Variants in SASH1 observed in about 807,000 individuals in gnomAD.
The protein encoded by SASH1 is SAM and SH3 domain-containing protein 1.
SASH1 carries 44 observed loss-of-function variants against 125.2 expected under a neutral mutation model. The observed-to-expected ratio is 0.35, with a 90% CI of 0.28 to 0.45. SASH1 has a LOEUF of 0.45. Among genes scored for constraint, SASH1 ranks in the 20% least tolerant of loss-of-function variants. The pLI is 1.00. For synonymous variants in SASH1, 639 were observed against 649.1 expected, an observed-to-expected ratio of 0.98 and a Z score of 0.24; for missense variants, 1,426 against 1,614.5, an observed-to-expected ratio of 0.88 and a Z score of 2.00.
intron 4 of SASH1, 92 bp downstream of exon 4, chr6:148,440,499 A>G (rs1311417237): frequency 1.9e-6 from 2 of 1,060,770 alleles, no homozygotes; most frequent in Non-Finnish European, 2.9e-6. Context: ...TCATGTGCGT[A>G]TGTACTATGG....
the SASH1 span, among the ~76,000 whole-genome samples, chr6:148,265,675 T>C: frequency 6.6e-6 from 1 of 152,202 alleles, no homozygotes; most frequent in Admixed American, 6.5e-5. Flanking sequence ...ACATAAAACT[T>C]TGTCCTGGAT....
chr6:148,285,589 C>G (rs1208578836), intron 1 of SASH1, among the ~76,000 whole-genome samples: 2 of 152,072 alleles, frequency 1.3e-5, no homozygotes, highest in Non-Finnish European at 2.9e-5. Flanking sequence ...CTCTCTTTTC[C>G]ATAATTTTCC....
intron 4 of SASH1, among the ~76,000 whole-genome samples, chr6:148,449,489 G>A (rs1776989163): frequency 6.6e-6 from 1 of 151,520 alleles, no homozygotes; most frequent in African/African-American, 2.4e-5. Context: ...TTGGGTTTAA[G>A]TGATTCTCCT....
At chr6:148,528,894 G>A (rs917251454) in intron 12 of SASH1, among the ~76,000 whole-genome samples, 12 of 151,956 alleles carry the variant, frequency 7.9e-5, no homozygotes, top group African/African-American at 2.4e-4. Flanking sequence ...ATCAGTGGGA[G>A]CCCTGAGCTT....
intron 1 of SASH1, among the ~76,000 whole-genome samples, chr6:148,361,884 G>A (rs1212477273): frequency 6.6e-6 from 1 of 150,938 alleles, no homozygotes; most frequent in Non-Finnish European, 1.5e-5. Flanking sequence ...CCTGATGAAT[G>A]TCCAGCATTT....
intron 1 of SASH1, among the ~76,000 whole-genome samples, chr6:148,330,460 A>G (rs1360634531): frequency 6.6e-6 from 1 of 152,272 alleles, no homozygotes; most frequent in Non-Finnish European, 1.5e-5. Flanking sequence ...GTTTATTAGA[A>G]GACAAGATTG....
At chr6:148,291,552 A>G (rs1357240573) in intron 1 of SASH1, among the ~76,000 whole-genome samples, 1 of 152,008 alleles carries the variant, frequency 6.6e-6, no homozygotes, top group Non-Finnish European at 1.5e-5. Context: ...ACCTGGTGAC[A>G]TGGCGCCTAT....
chr6:148,263,098 C>T, the SASH1 span, among the ~76,000 whole-genome samples: 5 of 152,126 alleles, frequency 3.3e-5, no homozygotes, highest in South Asian at 4.1e-4. Context: ...TGCAGAGAGA[C>T]GGCAGGCAGA....
chr6:148,446,135 G>T, intron 4 of SASH1, among the ~76,000 whole-genome samples: 1 of 89,746 alleles, frequency 1.1e-5, no homozygotes, highest in Non-Finnish European at 2.3e-5. Flanking sequence ...TTGAGACGGA[G>T]CCTCACTCTG....
rs370085759 is a variant in SASH1, at chr6:148,411,567, A to G, written c.285+21305A>G. ...ATTAGTGTTATTTTTTTTTTGAGAT[A>G]GAGTTTTACTCTGTTGCCCAGGCTG... On this transcript the variant is annotated intron_variant, in intron 2 of 19. Coordinates refer to ENST00000367467, the MANE Select transcript of SASH1 (RefSeq NM_015278.5). Among the ~76,000 whole-genome samples, 9 of 151,928 alleles carry G rather than the reference A, an allele frequency of 5.9e-5. No individual in the cohort carries two copies. In the East Asian group the frequency reaches 1.2e-3, roughly 20 times the overall value.
intron 1 of SASH1, among the ~76,000 whole-genome samples, chr6:148,281,106 CTTTTTTTTTTT>C (rs34144143): frequency 1.4e-5 from 1 of 69,240 alleles, no homozygotes; most frequent in Non-Finnish European, 2.6e-5. Flanking sequence ...CCATGCCTAG[CTTTTTTTTTTT>C]TTTTTTTTTT....
In SASH1 at chr6:148,370,284, A is replaced by G. The variant is rs528698286; in HGVS notation, c.157-19850A>G. ...CTAAAAAACAAGTAGGTAATTAACT[A>G]TCACTGGAGATTTAAAGATGGTTGG... On this transcript the variant is annotated intron_variant, in intron 1 of 19. Transcript: ENST00000367467. 1.6e-4 allele frequency among the ~76,000 whole-genome samples: 25 copies of G among 152,316 alleles called. 1 individual carries two copies. Among genetic ancestry groups the G allele is most frequent in the African/African-American group, 5.8e-4 (24 of 41,582 alleles).
intron 1 of SASH1, among the ~76,000 whole-genome samples, chr6:148,387,359 C>T (rs1017661423): frequency 1.3e-5 from 2 of 151,628 alleles, no homozygotes; most frequent in African/African-American, 2.4e-5. Context: ...ACCTCATGAT[C>T]CACCTGCCTC....
At chr6:148,514,284 G>C in intron 8 of SASH1, 40 bp from the exon 9 acceptor site, 1 of 1,589,256 alleles carries the variant, frequency 6.3e-7, no homozygotes, top group Non-Finnish European at 8.5e-7. Flanking sequence ...AAAGCTCGGA[G>C]CAATTACCTG....
At chr6:148,320,062 T>C (rs1031157473) in intron 1 of SASH1, among the ~76,000 whole-genome samples, 3 of 152,242 alleles carry the variant, frequency 2.0e-5, no homozygotes, top group South Asian at 2.1e-4. Flanking sequence ...ATGGTTATAA[T>C]TGTTCTATTT....
chr6:148,368,768 G>GCA (rs1554245318), intron 1 of SASH1, among the ~76,000 whole-genome samples: 4 of 70,450 alleles, frequency 5.7e-5, no homozygotes, highest in African/African-American at 1.4e-4. Context: ...GCGCACGCGC[G>GCA]CGCACACACA....
At chr6:148,354,967 C>T (rs772020928) in intron 1 of SASH1, among the ~76,000 whole-genome samples, 4 of 152,156 alleles carry the variant, frequency 2.6e-5, no homozygotes, top group Non-Finnish European at 4.4e-5. Flanking sequence ...CCATGTTGGC[C>T]AGGCTGGTCT....
At chr6:148,516,515 C>T (rs998596181) in intron 9 of SASH1, among the ~76,000 whole-genome samples, 1 of 113,542 alleles carries the variant, frequency 8.8e-6, no homozygotes, top group Non-Finnish European at 1.8e-5. Flanking sequence ...CCCCCTCCCC[C>T]GCCCTTGGAC....
rs143648775 is a variant in SASH1 at position 148,445,017 on chromosome 6, G to A, written c.386+4610G>A. Among the ~76,000 whole-genome samples the A allele has an allele frequency of 4.6e-5, 7 of 152,246 alleles. No individual in the cohort carries two copies. In the East Asian group the frequency reaches 7.7e-4, roughly 17 times the overall value. On this transcript the variant is annotated intron_variant, in intron 4 of 19. Coordinates refer to ENST00000367467, the MANE Select transcript of SASH1 (RefSeq NM_015278.5). ...TAGGGTAACTTCCAGATGTTGCCAC[G>A]GCACCTGTAAACTGTCATGGTGCTG...
Sources: gnomAD v4.1 joint callset for allele counts (sites outside exome capture counted in the v4.1 genomes callset) on GRCh38, gnomAD v4.1.1 for gene constraint, MANE v1.5 for transcripts, NCBI Gene and HGNC (gene_info 2026-07-23, HGNC 2026-07-21) for gene names.